DPY30: variants seen among roughly 807,000 people sequenced by gnomAD.
DPY30 encodes dpy-30 histone methyltransferase complex regulatory subunit.
Under a neutral mutation model 16.2 loss-of-function variants are expected in DPY30, and 6 were observed. The ratio of observed to expected loss-of-function variants is 0.37; its 90% CI spans 0.20 to 0.73. The LOEUF (loss-of-function observed/expected upper bound fraction) is 0.73. Ranked by LOEUF, DPY30 falls within the 30% of genes least tolerant of loss-of-function variation. DPY30 has a pLI of 0.51. For synonymous variants in DPY30, 39 were observed against 38.8 expected (o/e 1.00, Z -0.02); for missense variants, 73 against 113.1 (o/e 0.65, Z 1.61).
intron 5 of DPY30, among the ~76,000 whole-genome samples, chr2:32,018,836 T>A (rs806149): frequency 0.022 from 3,278 of 151,784 alleles, 55 homozygotes; most frequent in African/African-American, 0.045. Flanking sequence ...CTGGGCAACA[T>A]GGTGAAATCC....
chr2:32,020,785 A>T (rs1261362152), downstream of DPY30, among the ~76,000 whole-genome samples: 1 of 152,148 alleles, frequency 6.6e-6, no homozygotes, highest in Non-Finnish European at 1.5e-5. Context: ...AATATTTAAC[A>T]TGCTGCCTGG....
chr2:32,026,003 G>A (rs1404420356), intron 4 of DPY30, among the ~76,000 whole-genome samples: 3 of 152,032 alleles, frequency 2.0e-5, no homozygotes, highest in African/African-American at 7.2e-5. Context: ...AGCTACTCAG[G>A]AGGTTAGGTG....
At chr2:32,029,347 TAAAAAGA>T (rs1419565979) in intron 4 of DPY30, among the ~76,000 whole-genome samples, 2 of 152,038 alleles carry the variant, frequency 1.3e-5, no homozygotes, top group African/African-American at 2.4e-5. Flanking sequence ...TCATAATAAA[TAAAAAGA>T]AAAATCAAAA....
intron 3 of DPY30, 89 bp from the exon 4 acceptor site, chr2:32,029,825 A>G: frequency 6.9e-7 from 1 of 1,441,114 alleles, no homozygotes; most frequent in African/African-American, 1.4e-5. Flanking sequence ...TATGACACTA[A>G]TAGAAAAGGC....
downstream of DPY30, among the ~76,000 whole-genome samples, chr2:32,011,671 T>C (rs76672614): frequency 0.015 from 2,221 of 152,314 alleles, 68 homozygotes; most frequent in African/African-American, 0.051. Flanking sequence ...GGAAGTGTTA[T>C]TGTTACAAAG....
downstream of DPY30, among the ~76,000 whole-genome samples, chr2:32,019,035 C>A (rs1481404081): frequency 1.3e-5 from 2 of 151,580 alleles, no homozygotes; most frequent in Non-Finnish European, 2.9e-5. Context: ...CAAAAACAAA[C>A]AAAAAAACTT....
intron 1 of DPY30, 66 bp downstream of exon 1, chr2:32,039,667 G>A (rs746798820): frequency 2.7e-5 from 17 of 618,826 alleles, no homozygotes; most frequent in Admixed American, 5.7e-5. Context: ...CATGGGGTCT[G>A]GAAACTCTAC....
At chr2:32,020,162 T>C (rs1675149295), downstream of DPY30, among the ~76,000 whole-genome samples, 1 of 151,492 alleles carries the variant, frequency 6.6e-6, no homozygotes, top group South Asian at 2.1e-4. Context: ...GCTATGCTCT[T>C]ACCATTGGGC....
downstream of DPY30, among the ~76,000 whole-genome samples, chr2:32,022,116 A>G (rs1675197796): frequency 6.6e-6 from 1 of 152,018 alleles, no homozygotes; most frequent in Admixed American, 6.6e-5. Flanking sequence ...AGGCTGACAC[A>G]GGAGAATCAC....
intron 3 of DPY30, among the ~76,000 whole-genome samples, chr2:32,030,456 C>T (rs591625): frequency 0.032 from 4,934 of 151,904 alleles, 138 homozygotes; most frequent in African/African-American, 0.082. Context: ...CAGTGAAACC[C>T]CATCTCTATT....
At position 32,029,842 on chromosome 2, in the gene DPY30, A is replaced by G. The variant is rs180940479; in HGVS notation, c.85-106T>C. The G allele has an allele frequency of 5.7e-5, 73 of 1,269,732 alleles. No homozygotes were observed. The Middle Eastern group carries it at 1.1e-3, about 20-fold the overall frequency. 78.7% of individuals were successfully genotyped at this position (1,269,732 alleles called of 1,614,324 possible). On this transcript the variant is annotated intron_variant, in intron 3 of 4. Coordinates refer to ENST00000342166, the MANE Select transcript of DPY30 (RefSeq NM_001321209.2). ...TGACACTAATAGAAAAGGCAAATCA[A>G]TGACTAGAAAGATGGTACTAGACCA...
downstream of DPY30, among the ~76,000 whole-genome samples, chr2:32,023,119 C>T (rs1675221019): frequency 6.6e-6 from 1 of 151,630 alleles, no homozygotes; most frequent in Admixed American, 6.6e-5. Context: ...AGTTCAAGAA[C>T]CCCACCTTAT....
downstream of DPY30, among the ~76,000 whole-genome samples, chr2:32,022,064 G>A (rs1035598812): frequency 3.9e-5 from 6 of 152,142 alleles, no homozygotes; most frequent in East Asian, 1.9e-4. Context: ...ACAAAAATTC[G>A]CTGGGGACAG....
intron 3 of DPY30, among the ~76,000 whole-genome samples, chr2:32,031,020 T>C (rs1675518770): frequency 6.6e-6 from 1 of 152,204 alleles, no homozygotes; most frequent in Non-Finnish European, 1.5e-5. Context: ...TATTTTCTTC[T>C]TCACAATTCC....
At chr2:32,022,959 G>A (rs1675218406), downstream of DPY30, among the ~76,000 whole-genome samples, 1 of 152,098 alleles carries the variant, frequency 6.6e-6, no homozygotes, top group Non-Finnish European at 1.5e-5. Flanking sequence ...GAGAAGATGG[G>A]CATACAGGCT....
chr2:32,019,466 A>G (rs149572057), downstream of DPY30, among the ~76,000 whole-genome samples: 919 of 152,266 alleles, frequency 6.0e-3, 12 homozygotes, highest in African/African-American at 0.021. Flanking sequence ...AGTCAAGATC[A>G]TATCACTGCA....
chr2:32,016,310 C>T (rs1675065101), intron 5 of DPY30, among the ~76,000 whole-genome samples: 1 of 152,052 alleles, frequency 6.6e-6, no homozygotes, highest in African/African-American at 2.4e-5. Flanking sequence ...TAATTTACAC[C>T]CAGAGATTTT....
chr2:32,035,432 T>C (rs1675698262), intron 3 of DPY30, among the ~76,000 whole-genome samples: 1 of 150,484 alleles, frequency 6.6e-6, no homozygotes, highest in Non-Finnish European at 1.5e-5. Context: ...TGAAACCTCA[T>C]CTCTACTAAA....
chr2:32,034,503 A>C (rs1675663498), intron 3 of DPY30, among the ~76,000 whole-genome samples: 1 of 152,218 alleles, frequency 6.6e-6, no homozygotes, highest in Non-Finnish European at 1.5e-5. Flanking sequence ...CATTACCAAA[A>C]GATGGCACCA....
Sources: gnomAD v4.1 joint callset for allele counts (sites outside exome capture counted in the v4.1 genomes callset) on GRCh38, gnomAD v4.1.1 for gene constraint, MANE v1.5 for transcripts, NCBI Gene and HGNC (gene_info 2026-07-23, HGNC 2026-07-21) for gene names.